The following MRPL12 variants were observed in gnomAD, a reference collection of about 807,000 sequenced individuals.
MRPL12 encodes the protein mitochondrial ribosomal protein L12.
A neutral mutation model predicts 21.1 loss-of-function variants in MRPL12; 13 were observed. The ratio of observed to expected loss-of-function variants is 0.62; its 90% confidence interval spans 0.40 to 0.98. The LOEUF (loss-of-function observed/expected upper bound fraction) is 0.98, where lower values mean the gene tolerates loss of function less well. Ranked by LOEUF, MRPL12 falls within the 50% of genes least tolerant of loss-of-function variation. MRPL12 has a pLI of 0.00. For missense variants in MRPL12, 251 were observed against 268.6 expected (o/e 0.93, Z 0.46); for synonymous variants, 126 against 115.3 (o/e 1.09, Z -0.60).
intron 3 of MRPL12, 94 bp from the exon 4 acceptor site, chr17:81,706,812 C>T (rs890306517): frequency 6.0e-6 from 9 of 1,499,140 alleles, no homozygotes; most frequent in Non-Finnish European, 8.1e-6. Context: ...CTGCACCTCC[C>T]TTTGGGGCTT....
chr17:81,707,385 A>G lies in MRPL12; in HGVS notation c.*145A>G, dbSNP rs112155716. ...CCTGCGCCACGCAGCGGGGCCGGAC[A>G]GGCCGCACAGACCTACTGTGGCGGG... On this transcript the variant is annotated 3_prime_UTR_variant, in exon 5 of 5. Transcript: ENST00000333676. 2.0e-5 allele frequency: 16 copies of G among 792,076 alleles called. No homozygotes were observed. Among genetic ancestry groups the G allele is most frequent in the African/African-American group, 1.7e-4 (10 of 57,394 alleles). 49.1% of individuals were successfully genotyped at this position (792,076 alleles called of 1,614,324 possible). A position where few individuals can be genotyped will look rare whatever the true frequency, so the allele number is the denominator to read the frequency against.
chr17:81,703,812 C>T (rs968004023), intron 1 of MRPL12, among the ~76,000 whole-genome samples: 1 of 152,224 alleles, frequency 6.6e-6, no homozygotes, highest in African/African-American at 2.4e-5. Flanking sequence ...ATTCCCTGCT[C>T]CTCCCTTGGC....
In MRPL12 at chr17:81,707,407, C is replaced by T. The variant is rs940073952; in HGVS notation, c.*167C>T. 1.5e-5 allele frequency: 10 copies of T among 666,060 alleles called. No individual in the cohort carries two copies. Among genetic ancestry groups the T allele is most frequent in the African/African-American group, 1.1e-4 (6 of 54,240 alleles). 41.3% of individuals were successfully genotyped at this position (666,060 alleles called of 1,614,324 possible). A position where few individuals can be genotyped will look rare whatever the true frequency, so the allele number is the denominator to read the frequency against. ...GACAGGCCGCACAGACCTACTGTGG[C>T]GGGAGGGAGGGGCGGCTGCTGCCTG... On this transcript the variant is annotated 3_prime_UTR_variant, in exon 5 of 5. Coordinates refer to ENST00000333676, the MANE Select transcript of MRPL12 (RefSeq NM_002949.4).
chr17:81,704,121 C>T (rs2037286883), intron 1 of MRPL12, 123 bp from the exon 2 acceptor site: 1 of 968,592 alleles, frequency 1.0e-6, no homozygotes, highest in East Asian at 2.7e-5. Flanking sequence ...ATTTCCGGCC[C>T]TAGTGATTAC....
In MRPL12 at chr17:81,706,113, G is replaced by A. The variant is rs539083108; in HGVS notation, c.346-793G>A. On this transcript the variant is annotated intron_variant, in intron 3 of 4. Transcript: ENST00000333676. The stretch of plus-strand genomic sequence containing the variant: ...TCCCATGGCGGGTTGTCATTTTCTC[G>A]GCACACGTGCACTGCAGTGTGGCTG... Among the ~76,000 whole-genome samples the A allele has an allele frequency of 3.9e-4, 59 of 152,298 alleles. No homozygotes were observed. In the South Asian group the frequency reaches 6.0e-3, roughly 16 times the overall value.
rs140892819 is a variant in MRPL12 at position 81,706,908 on chromosome 17, G to T, written c.348G>T (p.Ala116=). 1.9e-6 allele frequency: 3 copies of T among 1,613,708 alleles called. No homozygotes were observed. The highest frequency in any genetic ancestry group is 2.2e-5 in the East Asian group (1 of 44,878). The change falls in exon 4 of 5, where the codon GCG becomes GCT. Residue 116 remains alanine (A), a splice_region_variant and synonymous_variant. Transcript: ENST00000333676. ...CCCCTTCTTTCCTGCTCCCTAAGGCGGTGGAAGAAGATATCCCCATAGCGA... is the reference window on the plus strand; with the variant it reads ...CCCCTTCTTTCCTGCTCCCTAAGGCTGTGGAAGAAGATATCCCCATAGCGA... The part of the protein sequence containing the change: ...GAVPAAAAQE[A]VEEDIPIAKE...
chr17:81,707,315 C>T lies in MRPL12; in HGVS notation c.*75C>T, dbSNP rs1264855948. 1 of 1,380,730 alleles carries T rather than the reference C, an allele frequency of 7.2e-7. No individual in the cohort carries two copies. Among genetic ancestry groups the T allele is most frequent in the African/African-American group, 1.5e-5 (1 of 68,840 alleles). The allele number at this position is 1,380,730 out of a possible 1,614,324, so 85.5% of individuals were successfully genotyped here. The stretch of plus-strand genomic sequence containing the variant: ...TCCCGCCCTCCCGTGGTCACTGGCT[C>T]CGCCCCCAGCACCAGGCGCCCAGTG... On this transcript the variant is annotated 3_prime_UTR_variant, in exon 5 of 5. Transcript: ENST00000333676.
In MRPL12 at chr17:81,707,034, C is replaced by T. The variant is rs762149015; in HGVS notation, c.474C>T (p.Leu158=). ...AGAACTACATCCAAGGCATCAACCTCGTCCAGGTCTGTGCCGCGGTGGGGG... is the reference window on the plus strand; with the variant it reads ...AGAACTACATCCAAGGCATCAACCTTGTCCAGGTCTGTGCCGCGGTGGGGG... ...EIKNYIQGIN[L]VQAKKLVESL... The change falls in exon 4 of 5, where the codon CTC becomes CTT. Residue 158 remains leucine, a synonymous_variant. Transcript: ENST00000333676. 13 of 1,613,978 alleles carry T rather than the reference C, an allele frequency of 8.1e-6. No homozygotes were observed. Among genetic ancestry groups the T allele is most frequent in the African/African-American group, 8.0e-5 (6 of 74,954 alleles).
intron 3 of MRPL12, among the ~76,000 whole-genome samples, chr17:81,706,318 G>A (rs575339129): frequency 2.6e-5 from 4 of 152,172 alleles, no homozygotes; most frequent in African/African-American, 7.2e-5. Context: ...GTGCAATGGC[G>A]CGATCTCAGC....
rs1259350981 is a variant in MRPL12, at chr17:81,704,673, G to C, written c.302G>C (p.Gly101Ala). 1.2e-6 allele frequency: 2 copies of C among 1,613,926 alleles called. No individual in the cohort carries two copies. The highest frequency in any genetic ancestry group is 1.7e-6 in the Non-Finnish European group (2 of 1,179,994). Residue 101 changes from glycine to alanine, a missense_variant, in exon 3 of 5, where the codon GGT becomes GCT. By Grantham distance (60) the Gly-to-Ala change is moderately conservative (BLOSUM62 0). Coordinates refer to ENST00000333676, the MANE Select transcript of MRPL12 (RefSeq NM_002949.4). The part of the protein sequence containing the change: ...KIQDVGLVPM[G>A]GVMSGAVPAA... ...CAGGATGTCGGGCTTGTGCCGATGG[G>C]TGGTGTGATGTCTGGGGCTGTCCCT... is the stretch of plus-strand genomic sequence containing the variant.
chr17:81,704,434 T>C lies in MRPL12; in HGVS notation c.261+4T>C, dbSNP rs762039084. On this transcript the variant is annotated splice_donor_region_variant and intron_variant, in intron 2 of 4. Coordinates refer to ENST00000333676, the MANE Select transcript of MRPL12 (RefSeq NM_002949.4). ...AGACCTCAACGAGCTCCTGAAGGTA[T>C]CGTGAGAGGGTGGCACAGACCCAGG... 4 of 1,610,528 alleles carry C rather than the reference T, an allele frequency of 2.5e-6. No homozygotes were observed. Among genetic ancestry groups the C allele is most frequent in the Middle Eastern group, 1.7e-4 (1 of 6,046 alleles).
intron 1 of MRPL12, 105 bp downstream of exon 1, chr17:81,703,680 C>T (rs1210013919): frequency 2.7e-6 from 3 of 1,091,932 alleles, no homozygotes; most frequent in South Asian, 2.5e-5. Context: ...GGCCTCCCTG[C>T]AGCGGCCAGG....
At chr17:81,704,599 G>A (rs1277860688) in intron 2 of MRPL12, 34 bp from the exon 3 acceptor site, 9 of 1,611,190 alleles carry the variant, frequency 5.6e-6, no homozygotes, top group Admixed American at 1.7e-5. Flanking sequence ...CTGGTGTGAG[G>A]GCCAGCTGTG....
Position 81,703,535 on chromosome 17 carries a change from C to T in MRPL12, c.34C>T (p.Pro12Ser), listed in dbSNP as rs1480883588. ...LPAAARPLWGPCLGLRAAAFR... is the reference protein window; with the variant it reads ...LPAAARPLWGSCLGLRAAAFR... ...GGCGGCCGCTCGCCCCCTGTGGGGGCCTTGCCTTGGGCTTCGGGCCGCTGC... is the reference window on the plus strand; with the variant it reads ...GGCGGCCGCTCGCCCCCTGTGGGGGTCTTGCCTTGGGCTTCGGGCCGCTGC... Residue 12 changes from proline to serine, a missense_variant, in exon 1 of 5, where the codon CCT (proline) becomes TCT (serine). Physicochemically the swap from Pro to Ser is moderately conservative, Grantham distance 74 (BLOSUM62 -1). Coordinates refer to ENST00000333676, the MANE Select transcript of MRPL12 (RefSeq NM_002949.4). The T allele has an allele frequency of 1.4e-6, 2 of 1,477,988 alleles. No homozygotes were observed. Among genetic ancestry groups the T allele is most frequent in the Non-Finnish European group, 1.8e-6 (2 of 1,120,808 alleles). The allele number at this position is 1,477,988 out of a possible 1,614,324, so 91.6% of individuals were successfully genotyped here.
In MRPL12 at chr17:81,707,393, C is replaced by T. The variant is rs2037325817; in HGVS notation, c.*153C>T. Reference sequence around the variant, plus strand: ...ACGCAGCGGGGCCGGACAGGCCGCACAGACCTACTGTGGCGGGAGGGAGGG... The same window carrying T: ...ACGCAGCGGGGCCGGACAGGCCGCATAGACCTACTGTGGCGGGAGGGAGGG... On this transcript the variant is annotated 3_prime_UTR_variant, in exon 5 of 5. Transcript: ENST00000333676. 2.6e-6 allele frequency: 2 copies of T among 756,312 alleles called. No homozygotes were observed. Among genetic ancestry groups the T allele is most frequent in the Non-Finnish European group, 4.2e-6 (2 of 478,796 alleles). 46.9% of individuals were successfully genotyped at this position (756,312 alleles called of 1,614,324 possible). A position where few individuals can be genotyped will look rare whatever the true frequency, so the allele number is the denominator to read the frequency against.
intron 1 of MRPL12, 150 bp downstream of exon 1, chr17:81,703,725 G>A (rs1047240233): frequency 1.7e-4 from 123 of 718,972 alleles, no homozygotes; most frequent in Non-Finnish European, 2.2e-4. Context: ...GCGCGGGGAG[G>A]AGGCCTCCCG....
chr17:81,706,801 G>A lies in MRPL12; in HGVS notation c.346-105G>A, dbSNP rs1277070482. On this transcript the variant is annotated intron_variant, in intron 3 of 4. Transcript: ENST00000333676. ...AACTCCAGGCTTCGCTGGGGCCTCC[G>A]CTGCACCTCCCTTTGGGGCTTTAGA... is the stretch of plus-strand genomic sequence containing the variant. 8 of 1,414,508 alleles carry A rather than the reference G, an allele frequency of 5.7e-6. No individual in the cohort carries two copies. The Admixed American group carries it at 7.0e-5, about 12-fold the overall frequency. The allele number at this position is 1,414,508 out of a possible 1,614,324, so 87.6% of individuals were successfully genotyped here.
chr17:81,703,529 T>C lies in MRPL12; in HGVS notation c.28T>C (p.Trp10Arg). 6.8e-7 allele frequency: 1 copy of C among 1,480,928 alleles called. No individual in the cohort carries two copies. Among genetic ancestry groups the C allele is most frequent in the Non-Finnish European group, 8.9e-7 (1 of 1,122,096 alleles). The allele number at this position is 1,480,928 out of a possible 1,614,324, so 91.7% of individuals were successfully genotyped here. A position where few individuals can be genotyped will look rare whatever the true frequency, so the allele number is the denominator to read the frequency against. MLPAAARPLWGPCLGLRAAA... is the reference protein window; with the variant it reads MLPAAARPLRGPCLGLRAAA... ...GCTGCCGGCGGCCGCTCGCCCCCTG[T>C]GGGGGCCTTGCCTTGGGCTTCGGGC... Residue 10 changes from tryptophan (W) to arginine (R), a missense_variant, in exon 1 of 5, where the codon TGG becomes CGG. Physicochemically the swap from Trp to Arg is moderately radical, Grantham distance 101. Transcript: ENST00000333676.
In MRPL12 at chr17:81,703,561, G is replaced by T; in HGVS notation, c.60G>T (p.Ala20=). The T allele has an allele frequency of 6.9e-7, 1 of 1,454,780 alleles. No individual in the cohort carries two copies. The highest frequency in any genetic ancestry group is 1.3e-5 in the South Asian group (1 of 75,162). 90.1% of individuals were successfully genotyped at this position (1,454,780 alleles called of 1,614,324 possible). ...CTTGCCTTGGGCTTCGGGCCGCTGC[G>T]TTCCGCCTTGCCAGGTACGCGGGAT... ...WGPCLGLRAA[A]FRLARRQVPC... Residue 20 remains alanine, a synonymous_variant, in exon 1 of 5, where the codon GCG becomes GCT. Transcript: ENST00000333676.
Sources: gnomAD v4.1 joint callset for allele counts (sites outside exome capture counted in the v4.1 genomes callset) on GRCh38, gnomAD v4.1.1 for gene constraint, MANE v1.5 for transcripts, NCBI Gene and HGNC (gene_info 2026-07-23, HGNC 2026-07-21) for gene names.